Variants in SLC12A5 observed in about 807,000 individuals in gnomAD.
SLC12A5 encodes the protein K-Cl cotransporter 2.
SLC12A5 carries 18 observed loss-of-function variants against 124.0 expected under a neutral mutation model. The observed-to-expected ratio is 0.15, with a 90% CI of 0.10 to 0.22. SLC12A5 has a LOEUF of 0.22. Among genes scored for constraint, SLC12A5 ranks in the 10% least tolerant of loss-of-function variants. The pLI is 1.00. For synonymous variants in SLC12A5, 589 were observed against 568.0 expected (o/e 1.04, Z -0.53); for missense variants, 867 against 1,478.7 (o/e 0.59, Z 6.78).
chr20:46,035,578 TG>T (rs778242168), intron 3 of SLC12A5, 43 bp downstream of exon 3: 5 of 341,782 alleles, frequency 1.5e-5, no homozygotes, highest in Non-Finnish European at 1.9e-5. Flanking sequence ...AAGGGACGGA[TG>T]GGGGGTGGGG....
chr20:46,047,321 A>G, intron 14 of SLC12A5, 133 bp from the exon 15 acceptor site: 4 of 1,146,492 alleles, frequency 3.5e-6, no homozygotes, highest in Non-Finnish European at 4.9e-6. Flanking sequence ...TGATGGTGTG[A>G]GTTCCCCTAG....
chr20:46,043,828 G>T, intron 10 of SLC12A5, 48 bp from the exon 11 acceptor site: 2 of 1,613,276 alleles, frequency 1.2e-6, no homozygotes, highest in Non-Finnish European at 1.7e-6. Flanking sequence ...GAAGGGTGGG[G>T]AGGGGGAGGA....
intron 1 of SLC12A5, among the ~76,000 whole-genome samples, chr20:46,034,459 C>T (rs2145481057): frequency 6.6e-6 from 1 of 152,332 alleles, no homozygotes; most frequent in South Asian, 2.1e-4. Flanking sequence ...TCCCCCATGC[C>T]TGTATTGGCA....
intron 2 of SLC12A5, chr20:46,023,075 A>G: frequency 2.5e-6 from 1 of 400,546 alleles, no homozygotes; most frequent in Non-Finnish European, 4.4e-6. Flanking sequence ...GCCGCAGGTG[A>G]GCTCGCCCCG....
rs1339887364 is a variant in SLC12A5, at chr20:46,043,077, C to G, written c.1067-76C>G. On this transcript the variant is annotated intron_variant, in intron 8 of 25. Transcript: ENST00000243964. Reference sequence around the variant, plus strand: ...GTTGATCTTGACCCTGACTTTTTGCCCCCTCCCACCTCCTGGTCCCAGAGC... The same window carrying G: ...GTTGATCTTGACCCTGACTTTTTGCGCCCTCCCACCTCCTGGTCCCAGAGC... 5 of 1,473,762 alleles carry G rather than the reference C, an allele frequency of 3.4e-6. No homozygotes were observed. The African/African-American group carries it at 5.6e-5, about 17-fold the overall frequency. 91.3% of individuals were successfully genotyped at this position (1,473,762 alleles called of 1,614,324 possible). A position where few individuals can be genotyped will look rare whatever the true frequency, so the allele number is the denominator to read the frequency against.
exon 3 of SLC12A5, chr20:46,023,586 G>C: frequency 2.5e-6 from 1 of 397,482 alleles, no homozygotes; most frequent in Non-Finnish European, 4.4e-6. Context: ...CCTTAAGTCT[G>C]TCATTCTCTT....
At chr20:46,032,281 C>T (rs969978437) in intron 1 of SLC12A5, among the ~76,000 whole-genome samples, 2 of 152,214 alleles carry the variant, frequency 1.3e-5, no homozygotes, top group Non-Finnish European at 2.9e-5. Context: ...GTCCCCTGAG[C>T]GCCACCCGCC....
At chr20:46,052,436 A>G (rs1013013709) in intron 18 of SLC12A5, among the ~76,000 whole-genome samples, 4 of 152,244 alleles carry the variant, frequency 2.6e-5, no homozygotes, top group Non-Finnish European at 5.9e-5. Flanking sequence ...TCGGTGGCTC[A>G]CGCCTGTAAT....
At chr20:46,031,684 C>G (rs1431560753) in intron 1 of SLC12A5, among the ~76,000 whole-genome samples, 1 of 152,172 alleles carries the variant, frequency 6.6e-6, no homozygotes, top group Non-Finnish European at 1.5e-5. Context: ...CCCCAGGCCC[C>G]GGGGAGGCTT....
rs2084562753 is a variant in SLC12A5, at chr20:46,043,166, C to T, written c.1080C>T (p.Ser360=). Residue 360 remains serine, a synonymous_variant, in exon 9 of 26, where the codon AGC becomes AGT. Transcript: ENST00000243964. ...GTCTCCCCACAGAGAACCTCTGGAG[C>T]TCCTACCTGACCAAGGGCGTGATTG... is the stretch of plus-strand genomic sequence containing the variant. ...ASGLIKENLW[S]SYLTKGVIVE... 7 of 1,613,854 alleles carry T rather than the reference C, an allele frequency of 4.3e-6. No homozygotes were observed. The South Asian group carries it at 6.6e-5, about 15-fold the overall frequency.
chr20:46,046,062 G>A (rs879215541), intron 13 of SLC12A5, 66 bp downstream of exon 13: 22 of 1,479,318 alleles, frequency 1.5e-5, no homozygotes, highest in African/African-American at 5.5e-5. Flanking sequence ...TCCTGCAGCC[G>A]TTACCTGTGA....
chr20:46,029,331 G>A lies in SLC12A5; in HGVS notation c.-14G>A, dbSNP rs1335391418. 1 of 1,542,984 alleles carries A rather than the reference G, an allele frequency of 6.5e-7. No individual in the cohort carries two copies. Among genetic ancestry groups the A allele is most frequent in the Admixed American group, 2.0e-5 (1 of 49,866 alleles). On this transcript the variant is annotated 5_prime_UTR_variant, in exon 1 of 26. Transcript: ENST00000243964. ...CGGCGCAGCCATCCCCGGACCAGGGGCCGCGCCGCCACCATGCTAAACAAC... is the reference window on the plus strand; with the variant it reads ...CGGCGCAGCCATCCCCGGACCAGGGACCGCGCCGCCACCATGCTAAACAAC...
chr20:46,040,277 A>G lies in SLC12A5; in HGVS notation c.613-96A>G, dbSNP rs529606318. 2,576 of 1,538,366 alleles carry G rather than the reference A, an allele frequency of 1.7e-3. 10 individuals carry two copies. Among genetic ancestry groups the G allele is most frequent in the South Asian group, 2.5e-3 (202 of 82,066 alleles). ...TCTTTTCCAGTCTGGTACCACTGTG[A>G]CTGTGCTGTGATGAGCATCTTTTTT... On this transcript the variant is annotated intron_variant, in intron 6 of 25. Transcript: ENST00000243964.
chr20:46,043,962 G>C lies in SLC12A5; in HGVS notation c.1394+29G>C, dbSNP rs777658264. The stretch of plus-strand genomic sequence containing the variant: ...AGATAATTGGGGTTGATCCTATTCT[G>C]GGGGAGGGGTGGGTATAGAAGGCTG... On this transcript the variant is annotated intron_variant, in intron 11 of 25. Coordinates refer to ENST00000243964, the MANE Select transcript of SLC12A5 (RefSeq NM_020708.5). 8 of 1,567,238 alleles carry C rather than the reference G, an allele frequency of 5.1e-6. No individual in the cohort carries two copies. In the East Asian group the frequency reaches 9.0e-5, roughly 18 times the overall value.
At chr20:46,027,960 T>C (rs1041120111), upstream of SLC12A5, among the ~76,000 whole-genome samples, 1 of 152,174 alleles carries the variant, frequency 6.6e-6, no homozygotes, top group Non-Finnish European at 1.5e-5. Flanking sequence ...GGGAGAGAGC[T>C]AGTACCAGTG....
intron 4 of SLC12A5, 159 bp from the exon 5 acceptor site, chr20:46,036,582 G>C: frequency 1.6e-6 from 1 of 634,776 alleles, no homozygotes; most frequent in South Asian, 2.0e-5. Flanking sequence ...TGAGAAGAAG[G>C]ACTTGGCAGG....
At chr20:46,023,615 G>A (rs573117122), downstream of SLC12A5, 4 of 396,112 alleles carry the variant, frequency 1.0e-5, no homozygotes, top group South Asian at 4.3e-4. Flanking sequence ...TGCTTCTGGT[G>A]TTCTTGTCCA....
At chr20:46,041,868 T>C (rs192569796) in intron 8 of SLC12A5, among the ~76,000 whole-genome samples, 2 of 151,902 alleles carry the variant, frequency 1.3e-5, no homozygotes, top group East Asian at 3.9e-4. Context: ...CAGAAATAGA[T>C]GTAATAGCAA....
intron 4 of SLC12A5, 188 bp from the exon 5 acceptor site, chr20:46,036,553 A>G (rs941924553): frequency 1.3e-5 from 7 of 523,596 alleles, no homozygotes; most frequent in African/African-American, 1.1e-4. Context: ...TTCCGTTCGC[A>G]TGGTGAATAA....
Sources: gnomAD v4.1 joint callset for allele counts (sites outside exome capture counted in the v4.1 genomes callset) on GRCh38, gnomAD v4.1.1 for gene constraint, MANE v1.5 for transcripts, NCBI Gene and HGNC (gene_info 2026-07-23, HGNC 2026-07-21) for gene names.